CHRDL2: variants seen among roughly 807,000 people sequenced by gnomAD.
The protein encoded by CHRDL2 is chordin-like protein 2.
Under a neutral mutation model 54.3 loss-of-function variants are expected in CHRDL2, and 41 were observed. The ratio of observed to expected loss-of-function variants is 0.76; its 90% CI spans 0.59 to 0.98. The LOEUF is 0.98. Among genes scored for constraint, CHRDL2 ranks in the 50% least tolerant of loss-of-function variants. CHRDL2 has a pLI of 0.00. For missense variants in CHRDL2, 518 were observed against 562.4 expected (o/e 0.92, Z 0.80); for synonymous variants, 220 against 224.3 (o/e 0.98, Z 0.17).
At chr11:74,706,078 G>A (rs763807075) in intron 6 of CHRDL2, among the ~76,000 whole-genome samples, 11 of 152,114 alleles carry the variant, frequency 7.2e-5, no homozygotes, top group Non-Finnish European at 8.8e-5. Context: ...GGGGTACAGA[G>A]AGGCAGGCTC....
At chr11:74,719,619 G>C (rs957097875) in intron 1 of CHRDL2, among the ~76,000 whole-genome samples, 1 of 152,188 alleles carries the variant, frequency 6.6e-6, no homozygotes, top group African/African-American at 2.4e-5. Flanking sequence ...TTAGGAAACT[G>C]ACTTTCAAGT....
chr11:74,730,955 G>GGAGGCACAGGGGCCACAGATC lies in CHRDL2; in HGVS notation c.-88_-68dup, dbSNP rs1291280276. ...GGAGGAAGGGAGACGAAAAGGACAC[G>GGAGGCACAGGGGCCACAGATC]GAGGCACAGGGGCCACAGATCAACC... On this transcript the variant is annotated 5_prime_UTR_variant, in exon 1 of 11. Coordinates refer to ENST00000376332, the MANE Select transcript of CHRDL2 (RefSeq NM_001278473.3). The GGAGGCACAGGGGCCACAGATC allele has an allele frequency of 2.3e-5, 30 of 1,317,816 alleles. No individual in the cohort carries two copies. Among genetic ancestry groups the GGAGGCACAGGGGCCACAGATC allele is most frequent in the Middle Eastern group, 1.8e-4 (1 of 5,466 alleles). 81.6% of individuals were successfully genotyped at this position (1,317,816 alleles called of 1,614,324 possible). A position where few individuals can be genotyped will look rare whatever the true frequency, so the allele number is the denominator to read the frequency against.
intron 2 of CHRDL2, among the ~76,000 whole-genome samples, chr11:74,715,125 G>C (rs1591363640): frequency 1.3e-5 from 2 of 152,122 alleles, no homozygotes; most frequent in South Asian, 4.1e-4. Context: ...CTGTCACCAG[G>C]GCCCGTGTAC....
At chr11:74,721,371 C>A (rs1050082881) in intron 1 of CHRDL2, among the ~76,000 whole-genome samples, 7 of 152,248 alleles carry the variant, frequency 4.6e-5, no homozygotes, top group Non-Finnish European at 8.8e-5. Context: ...ACCCCCTTCA[C>A]CTCACCGCCT....
At position 74,710,172 on chromosome 11, in the gene CHRDL2, C is replaced by T. The variant is rs7112768; in HGVS notation, c.432+677G>A. Among the ~76,000 whole-genome samples the T allele has an allele frequency of 5.4e-3, 821 of 150,826 alleles. 5 individuals are homozygous for T. Among genetic ancestry groups the T allele is most frequent in the Non-Finnish European group, 9.6e-3 (652 of 67,836 alleles). Reference sequence around the variant, plus strand: ...CGGAGCTTGCAGTGAGCCGAGATCACGCCACTACACTCCGGCCTGGGTGAA... The same window carrying T: ...CGGAGCTTGCAGTGAGCCGAGATCATGCCACTACACTCCGGCCTGGGTGAA... On this transcript the variant is annotated intron_variant, in intron 4 of 10. Transcript: ENST00000376332.
intron 3 of CHRDL2, among the ~76,000 whole-genome samples, chr11:74,712,188 T>G (rs1387446866): frequency 6.6e-6 from 1 of 151,966 alleles, no homozygotes; most frequent in African/African-American, 2.4e-5. Context: ...AATGATGCTG[T>G]AGCAGGTGAG....
intron 1 of CHRDL2, among the ~76,000 whole-genome samples, chr11:74,721,399 A>C (rs1293845199): frequency 1.3e-5 from 2 of 152,212 alleles, no homozygotes; most frequent in Non-Finnish European, 2.9e-5. Context: ...GCATGAAGAC[A>C]GAAAGAGTGT....
Position 74,710,504 on chromosome 11 carries a change from G to A in CHRDL2, c.432+345C>T, listed in dbSNP as rs142037317. ...CCAGGACTGATAACTGATCATTTGC[G>A]TATTCATTCTCTCATTCAATAATCA... On this transcript the variant is annotated intron_variant, in intron 4 of 10. Transcript: ENST00000376332. 9.7e-3 allele frequency among the ~76,000 whole-genome samples: 1,475 copies of A among 152,326 alleles called. 13 individuals are homozygous for A. The highest frequency in any genetic ancestry group is 0.014 in the Non-Finnish European group (971 of 68,040).
intron 1 of CHRDL2, among the ~76,000 whole-genome samples, chr11:74,723,709 C>T (rs984960215): frequency 6.6e-6 from 1 of 152,074 alleles, no homozygotes; most frequent in Non-Finnish European, 1.5e-5. Context: ...GATTAACGGG[C>T]GGGGAGCATC....
chr11:74,722,901 G>A (rs1215396023), intron 1 of CHRDL2, among the ~76,000 whole-genome samples: 3 of 152,182 alleles, frequency 2.0e-5, no homozygotes. Flanking sequence ...TCTGGAAGGA[G>A]AAGCAGAGGC....
chr11:74,697,220 C>A lies in CHRDL2; in HGVS notation c.1198G>T (p.Ala400Ser). ...AAGCTCCTACCTTCGTGGGGGCCAG[C>A]GAGCAGTCGGAAGTGCTGTGCCTCT... ...QKEAQHFRLL[A>S]GPHEGHWNVF... Residue 400 changes from alanine to serine, a missense_variant, in exon 10 of 11, where the codon GCT (alanine) becomes TCT (serine). Coordinates refer to ENST00000376332, the MANE Select transcript of CHRDL2 (RefSeq NM_001278473.3). 1 of 1,613,684 alleles carries A rather than the reference C, an allele frequency of 6.2e-7. No individual in the cohort carries two copies. Among genetic ancestry groups the A allele is most frequent in the Non-Finnish European group, 8.5e-7 (1 of 1,179,854 alleles).
chr11:74,703,377 C>T lies in CHRDL2; in HGVS notation c.874G>A (p.Val292Met). 6.2e-7 allele frequency: 1 copy of T among 1,613,786 alleles called. No homozygotes were observed. Among genetic ancestry groups the T allele is most frequent in the Non-Finnish European group, 8.5e-7 (1 of 1,179,942 alleles). ...CAGGGGTACTCGGTGGGACAGGTCA[C>T]ACGCTGGCAGTCCTGGCGGCCATCC... is the stretch of plus-strand genomic sequence containing the variant. ...CEDGRQDCQR[V>M]TCPTEYPCRH... is the part of the protein sequence containing the mutation. The change falls in exon 8 of 11, where the codon GTG becomes ATG. Residue 292 changes from valine to methionine, a missense_variant. Transcript: ENST00000376332.
intron 1 of CHRDL2, among the ~76,000 whole-genome samples, chr11:74,724,891 C>T (rs1280158396): frequency 6.6e-6 from 1 of 152,150 alleles, no homozygotes; most frequent in East Asian, 1.9e-4. Flanking sequence ...ACATAGAGTT[C>T]GTGCCTGATG....
chr11:74,712,404 G>C (rs1041665967), intron 3 of CHRDL2, among the ~76,000 whole-genome samples: 7 of 152,126 alleles, frequency 4.6e-5, no homozygotes, highest in Non-Finnish European at 1.5e-5. Flanking sequence ...AGCAACAAGA[G>C]GCCTGGGCCA....
At chr11:74,714,721 C>T (rs2034296085) in intron 2 of CHRDL2, among the ~76,000 whole-genome samples, 2 of 152,374 alleles carry the variant, frequency 1.3e-5, no homozygotes, top group South Asian at 4.1e-4. Context: ...CACTAGACAT[C>T]TGAGGTTCCC....
intron 1 of CHRDL2, among the ~76,000 whole-genome samples, chr11:74,728,299 A>G (rs1157300282): frequency 6.6e-6 from 1 of 152,190 alleles, no homozygotes; most frequent in African/African-American, 2.4e-5. Flanking sequence ...CACCTAAGAT[A>G]TCACCAGATT....
rs537587804 is a variant in CHRDL2 at position 74,703,030 on chromosome 11, A to G, written c.947-63T>C. On this transcript the variant is annotated intron_variant, in intron 8 of 10. Transcript: ENST00000376332. ...GTTGGCTGTACCTCTTCAAAGCTCT[A>G]ATATTCTAAAATGTTGTGACTTCAT... 2.1e-6 allele frequency: 3 copies of G among 1,454,568 alleles called. No homozygotes were observed. The East Asian group carries it at 6.9e-5, about 33-fold the overall frequency. 90.1% of individuals were successfully genotyped at this position (1,454,568 alleles called of 1,614,324 possible). A position where few individuals can be genotyped will look rare whatever the true frequency, so the allele number is the denominator to read the frequency against.
intron 1 of CHRDL2, chr11:74,719,355 C>T (rs1355988478): frequency 6.7e-6 from 1 of 150,128 alleles, no homozygotes; most frequent in East Asian, 2.1e-4. Flanking sequence ...TCCCACCCCT[C>T]TCTCCTCTCC....
At position 74,708,312 on chromosome 11, in the gene CHRDL2, C is replaced by G. The variant is rs1944937; in HGVS notation, c.516G>C (p.Gln172His). The G allele has an allele frequency of 3.8e-6, 6 of 1,576,152 alleles. No homozygotes were observed. In the Admixed American group the frequency reaches 1.1e-4, roughly 29 times the overall value. The change falls in exon 5 of 11, where the codon CAG becomes CAC. Residue 172 changes from glutamine (Q) to histidine (H), a missense_variant. Gln to His is a conservative substitution (Grantham distance 24). Transcript: ENST00000376332. ...APLPLPDSCC[Q>H]ACKDEASEQS... ...GAGGGACAGACTCACCTTTGCAGGC[C>G]TGGCAGCAGGAGTCTGGCAGCGGGA...
Sources: allele counts gnomAD v4.1 joint callset (sites outside exome capture counted in the v4.1 genomes callset), GRCh38; gene constraint gnomAD v4.1.1; transcripts MANE v1.5; gene names NCBI Gene and HGNC (gene_info 2026-07-23, HGNC 2026-07-21).